Variants in GCFC2 observed in about 807,000 individuals in gnomAD.
The protein encoded by GCFC2 is GC-rich sequence DNA-binding factor 2, also known as intron Large complex component GCFC2.
Under a neutral mutation model 99.4 loss-of-function variants are expected in GCFC2, and 102 were observed. That is an observed-to-expected ratio of 1.03 (90% CI 0.87 to 1.21). The LOEUF is 1.21. GCFC2 is among the 50% of genes most tolerant of loss of function. The pLI, the probability that GCFC2 is intolerant of heterozygous loss-of-function variation, is 0.00. For synonymous variants in GCFC2, 338 were observed against 316.8 expected, an observed-to-expected ratio of 1.07 and a Z score of -0.71; for missense variants, 973 against 920.9, an observed-to-expected ratio of 1.06 and a Z score of -0.73.
At chr2:75,683,920 C>G (rs35450646) in intron 11 of GCFC2, among the ~76,000 whole-genome samples, 29,032 of 151,978 alleles carry the variant, frequency 0.19, 3,484 homozygotes, top group South Asian at 0.27. Context: ...ACAGTAAGAG[C>G]TAACCATCCT....
At chr2:75,706,737 T>A in intron 1 of GCFC2, 86 bp from the exon 2 acceptor site, 1 of 799,200 alleles carries the variant, frequency 1.3e-6, no homozygotes, top group Non-Finnish European at 2.0e-6. Flanking sequence ...ATGGCATATG[T>A]ATAATACGGT....
intron 2 of GCFC2, among the ~76,000 whole-genome samples, chr2:75,705,015 C>A (rs556445655): frequency 6.6e-6 from 1 of 152,164 alleles, no homozygotes; most frequent in Non-Finnish European, 1.5e-5. Flanking sequence ...TAGCCACTAG[C>A]CCTATGTGAG....
intron 12 of GCFC2, chr2:75,679,795 C>A: frequency 2.5e-6 from 1 of 401,112 alleles, no homozygotes; most frequent in Non-Finnish European, 4.4e-6. Context: ...TATTCATAAT[C>A]CTGAAAGATG....
chr2:75,697,065 C>T (rs561325232), intron 4 of GCFC2, among the ~76,000 whole-genome samples: 1 of 152,222 alleles, frequency 6.6e-6, no homozygotes, highest in Admixed American at 6.5e-5. Flanking sequence ...GGATTACAGG[C>T]ATGAGCCACC....
chr2:75,698,221 G>C (rs1392882254), intron 4 of GCFC2, among the ~76,000 whole-genome samples: 1 of 152,102 alleles, frequency 6.6e-6, no homozygotes, highest in Non-Finnish European at 1.5e-5. Flanking sequence ...ATTGAGCTAA[G>C]TTTTCTTTAA....
Position 75,680,200 on chromosome 2 carries a change from C to A in GCFC2, c.1805G>T (p.Ser602Ile). 1 of 1,601,644 alleles carries A rather than the reference C, an allele frequency of 6.2e-7. No homozygotes were observed. Among genetic ancestry groups the A allele is most frequent in the Middle Eastern group, 1.7e-4 (1 of 6,022 alleles). Reference protein sequence around the residue: ...HSTCENEVSKSRQDLLKSIVS... With the variant: ...HSTCENEVSKIRQDLLKSIVS... ...AACTCTAGAAATTATTACCTGTCTG[C>A]TTTTACTAACTTCATTTTCACAAGT... The change falls in exon 12 of 17, where the codon AGC becomes ATC. Residue 602 changes from serine (S) to isoleucine (I), a missense_variant. Physicochemically the swap from Ser to Ile is moderately radical, Grantham distance 142. Transcript: ENST00000321027.
chr2:75,685,021 A>T (rs1393960525), intron 11 of GCFC2, among the ~76,000 whole-genome samples: 2 of 152,130 alleles, frequency 1.3e-5, no homozygotes, highest in Admixed American at 1.3e-4. Context: ...ATGAGAACAC[A>T]TGGACAGGGA....
At chr2:75,690,433 C>T (rs923905644) in intron 8 of GCFC2, 4 of 527,324 alleles carry the variant, frequency 7.6e-6, no homozygotes, top group African/African-American at 2.0e-5. Context: ...GTCATTTTAC[C>T]CATTCCTTTT....
chr2:75,709,444 A>C (rs1573101790), intron 1 of GCFC2, among the ~76,000 whole-genome samples: 1 of 152,346 alleles, frequency 6.6e-6, no homozygotes, highest in East Asian at 1.9e-4. Context: ...TACATGAAAT[A>C]AGACAGGCAC....
chr2:75,696,221 A>G lies in GCFC2; in HGVS notation c.812T>C (p.Ile271Thr), dbSNP rs754008555. ...TCACCTAGTATTTAATTGCTTCTTT[A>G]TAATTTCTAAATTTACTGGCGGAAA... Reference protein sequence around the residue: ...ISFPPVNLEIIKKQLNTRLTL... With the variant: ...ISFPPVNLEITKKQLNTRLTL... The change falls in exon 5 of 17, where the codon ATA becomes ACA. Residue 271 changes from isoleucine to threonine, a missense_variant. Physicochemically the swap from Ile to Thr is moderately conservative, Grantham distance 89. Coordinates refer to ENST00000321027, the MANE Select transcript of GCFC2 (RefSeq NM_003203.5). 2 of 1,360,106 alleles carry G rather than the reference A, an allele frequency of 1.5e-6. No homozygotes were observed. The highest frequency in any genetic ancestry group is 1.4e-5 in the African/African-American group (1 of 69,228). The allele number at this position is 1,360,106 out of a possible 1,614,324, so 84.3% of individuals were successfully genotyped here. A position where few individuals can be genotyped will look rare whatever the true frequency, so the allele number is the denominator to read the frequency against.
rs1328287541 is a variant in GCFC2 at position 75,662,880 on chromosome 2, G to C, written c.*1786C>G. The C allele has an allele frequency of 1.4e-5, 2 of 146,728 alleles. No homozygotes were observed. Among genetic ancestry groups the C allele is most frequent in the Non-Finnish European group, 3.0e-5 (2 of 67,206 alleles). 9.1% of individuals were successfully genotyped at this position (146,728 alleles called of 1,614,324 possible). A position where few individuals can be genotyped will look rare whatever the true frequency, so the allele number is the denominator to read the frequency against. ...TAGAAAAAAATTACAAATTTCATGT[G>C]CAATAAAGTGTCTGCCACTTACGTA... is the stretch of plus-strand genomic sequence containing the variant. On this transcript the variant is annotated 3_prime_UTR_variant, in exon 17 of 17. Coordinates refer to ENST00000321027, the MANE Select transcript of GCFC2 (RefSeq NM_003203.5).
chr2:75,679,819 T>C, intron 12 of GCFC2: 4 of 402,064 alleles, frequency 9.9e-6, no homozygotes, highest in Middle Eastern at 6.3e-4. Flanking sequence ...GCCTGGGCCA[T>C]GAGAACACAA....
chr2:75,674,526 T>C (rs1374071471), intron 12 of GCFC2, among the ~76,000 whole-genome samples: 1 of 152,134 alleles, frequency 6.6e-6, no homozygotes, highest in Non-Finnish European at 1.5e-5. Flanking sequence ...GATGAAAATA[T>C]CCTACGATGG....
chr2:75,672,225 ATATT>A (rs960559519), intron 13 of GCFC2, among the ~76,000 whole-genome samples: 3 of 136,174 alleles, frequency 2.2e-5, no homozygotes, highest in African/African-American at 5.5e-5. Context: ...TATAAAATAT[ATATT>A]TATATATTTA....
chr2:75,682,803 A>T (rs1679637680), intron 11 of GCFC2, among the ~76,000 whole-genome samples: 1 of 151,948 alleles, frequency 6.6e-6, no homozygotes, highest in Admixed American at 6.5e-5. Context: ...AAGCATACAC[A>T]GGTATCAATA....
intron 1 of GCFC2, 56 bp downstream of exon 1, chr2:75,710,535 G>A (rs1681104363): frequency 7.0e-7 from 1 of 1,435,258 alleles, no homozygotes; most frequent in Non-Finnish European, 9.1e-7. Context: ...GAGACCCCGC[G>A]GCCCCTTCCC....
intron 1 of GCFC2, chr2:75,710,335 G>T: frequency 1.4e-6 from 1 of 707,780 alleles, no homozygotes; most frequent in African/African-American, 1.9e-5. Flanking sequence ...AACTGATGGT[G>T]AAAACGAAGA....
intron 15 of GCFC2, among the ~76,000 whole-genome samples, chr2:75,667,714 T>C (rs1678908290): frequency 6.6e-6 from 1 of 152,212 alleles, no homozygotes; most frequent in African/African-American, 2.4e-5. Context: ...GCGTTAATGA[T>C]CCCAGCACTA....
chr2:75,672,937 G>A (rs78003447), intron 13 of GCFC2, among the ~76,000 whole-genome samples: 65 of 152,280 alleles, frequency 4.3e-4, no homozygotes, highest in African/African-American at 1.5e-3. Flanking sequence ...GATAAAGCAC[G>A]GCTTTATGTA....
Sources: gnomAD v4.1 joint callset for allele counts (sites outside exome capture counted in the v4.1 genomes callset) on GRCh38, gnomAD v4.1.1 for gene constraint, MANE v1.5 for transcripts, NCBI Gene and HGNC (gene_info 2026-07-23, HGNC 2026-07-21) for gene names.